The following PPP1R13B variants were observed in gnomAD, a reference collection of about 807,000 sequenced individuals.
The protein encoded by PPP1R13B is protein phosphatase 1 regulatory subunit 13B.
PPP1R13B carries 44 observed loss-of-function variants against 119.8 expected under a neutral mutation model. The ratio of observed to expected loss-of-function variants is 0.37; its 90% CI spans 0.29 to 0.47. The LOEUF (loss-of-function observed/expected upper bound fraction) is 0.47, where lower values mean the gene tolerates loss of function less well. Ranked by LOEUF, PPP1R13B falls within the 20% of genes least tolerant of loss-of-function variation. The pLI is 0.99. For missense variants in PPP1R13B, 1,227 were observed against 1,413.5 expected (o/e 0.87, Z 2.12); for synonymous variants, 542 against 561.5 (o/e 0.97, Z 0.49).
chr14:103,740,599 G>C lies in PPP1R13B; in HGVS notation c.1823-6C>G, dbSNP rs768216596. ...TAAAACGGGCTTACCATACACTGGG[G>C]AAGACACAAAGGACAGGCAATTTTG... On this transcript the variant is annotated splice_polypyrimidine_tract_variant and splice_region_variant and intron_variant, in intron 11 of 16. Transcript: ENST00000202556. The surrounding 1 kb of genome is among the most constrained non-coding windows in gnomAD (Gnocchi z 4.6). 5 of 1,506,214 alleles carry C rather than the reference G, an allele frequency of 3.3e-6. No individual in the cohort carries two copies. In the East Asian group the frequency reaches 1.1e-4, roughly 34 times the overall value. 93.3% of individuals were successfully genotyped at this position (1,506,214 alleles called of 1,614,324 possible). A position where few individuals can be genotyped will look rare whatever the true frequency, so the allele number is the denominator to read the frequency against.
intron 1 of PPP1R13B, 128 bp downstream of exon 1, chr14:103,847,171 C>T (rs1011259793): frequency 2.1e-5 from 21 of 1,001,190 alleles, no homozygotes; most frequent in South Asian, 4.5e-5. Context: ...CGCGCCCGCC[C>T]AGCCACTTCC....
At position 103,784,830 on chromosome 14, in the gene PPP1R13B, C is replaced by A; in HGVS notation, c.242G>T (p.Arg81Leu). The A allele has an allele frequency of 6.2e-7, 1 of 1,609,472 alleles. No individual in the cohort carries two copies. The highest frequency in any genetic ancestry group is 1.1e-5 in the South Asian group (1 of 90,732). The change falls in exon 3 of 17, where the codon CGA (arginine) becomes CTA (leucine). Residue 81 changes from arginine (R) to leucine (L), a missense_variant. Arg to Leu is a moderately radical substitution (Grantham distance 102, BLOSUM62 -2). Transcript: ENST00000202556. ...PRREEVKFFL[R>L]HEDSPTENSE... is the part of the protein sequence containing the mutation. ...GTTCTCAGTTGGGGAGTCCTCGTGT[C>A]GAAGGAAAAATTTCACTTCTTCCCT...
intron 1 of PPP1R13B, among the ~76,000 whole-genome samples, chr14:103,800,128 T>C (rs1023812537): frequency 4.6e-5 from 7 of 151,810 alleles, no homozygotes; most frequent in East Asian, 1.9e-4. Context: ...AATCAGAAGG[T>C]ATTATAAAAC....
Position 103,734,571 on chromosome 14 carries a change from G to C in PPP1R13B, c.*583C>G. The C allele has an allele frequency of 2.2e-6, 1 of 456,514 alleles. No homozygotes were observed. The highest frequency in any genetic ancestry group is 1.5e-5 in the South Asian group (1 of 64,566). 28.3% of individuals were successfully genotyped at this position (456,514 alleles called of 1,614,324 possible). A position where few individuals can be genotyped will look rare whatever the true frequency, so the allele number is the denominator to read the frequency against. On this transcript the variant is annotated 3_prime_UTR_variant, in exon 17 of 17. Transcript: ENST00000202556. ...ATCAGCCTTTAGGTGAACTGGAACA[G>C]GAAGCGGAACCCCCAAGGCGGCCGA...
chr14:103,778,492 C>T (rs980815850), intron 4 of PPP1R13B: 2 of 318,122 alleles, frequency 6.3e-6, no homozygotes, highest in African/African-American at 4.3e-5. Flanking sequence ...CAACTCCTGA[C>T]CTCGTGATCT....
At chr14:103,794,123 C>T (rs112572110) in intron 2 of PPP1R13B, among the ~76,000 whole-genome samples, 1 of 152,122 alleles carries the variant, frequency 6.6e-6, no homozygotes, top group East Asian at 1.9e-4. Flanking sequence ...GACTTCTGGC[C>T]TCCATCACTG....
chr14:103,774,174 C>G (rs1290818349), intron 4 of PPP1R13B, among the ~76,000 whole-genome samples: 1 of 152,152 alleles, frequency 6.6e-6, no homozygotes, highest in Non-Finnish European at 1.5e-5. Flanking sequence ...CATGTAAGAG[C>G]TAAAACTATA....
intron 12 of PPP1R13B, 121 bp from the exon 13 acceptor site, chr14:103,739,144 C>T (rs992632427): frequency 1.4e-5 from 19 of 1,386,708 alleles, no homozygotes; most frequent in Admixed American, 4.3e-5. Context: ...CGAAGCAGCC[C>T]TGGAGTGGTA....
intron 1 of PPP1R13B, among the ~76,000 whole-genome samples, chr14:103,833,739 T>C (rs747107522): frequency 6.6e-6 from 1 of 152,208 alleles, no homozygotes; most frequent in Admixed American, 6.6e-5. Flanking sequence ...CACTCAAATG[T>C]TGCCTCCTCT....
rs1289928628 is a variant in PPP1R13B at position 103,734,470 on chromosome 14, C to T, written c.*684G>A. ...GAGGAGAAGAGTATATGCTGAGGCT[C>T]TCCCAGTTGTCACTTGGTCTTAGGG... On this transcript the variant is annotated 3_prime_UTR_variant, in exon 17 of 17. Transcript: ENST00000202556. The T allele has an allele frequency of 8.8e-6, 4 of 455,186 alleles. No individual in the cohort carries two copies. The highest frequency in any genetic ancestry group is 1.8e-5 in the Non-Finnish European group (4 of 226,274). The allele number at this position is 455,186 out of a possible 1,614,324, so 28.2% of individuals were successfully genotyped here.
intron 5 of PPP1R13B, among the ~76,000 whole-genome samples, chr14:103,756,234 C>T (rs936117890): frequency 1.3e-5 from 2 of 152,052 alleles, no homozygotes; most frequent in Non-Finnish European, 2.9e-5. Context: ...GGATTACAGG[C>T]GTTAGCCACT....
intron 2 of PPP1R13B, among the ~76,000 whole-genome samples, chr14:103,793,595 GGACT>G (rs796431437): frequency 7.2e-4 from 109 of 152,126 alleles, no homozygotes; most frequent in African/African-American, 2.5e-3. Context: ...GTATGAAAAT[GGACT>G]AACTACCCTA....
chr14:103,826,135 C>A (rs911100228), intron 1 of PPP1R13B, among the ~76,000 whole-genome samples: 3 of 152,086 alleles, frequency 2.0e-5, no homozygotes, highest in African/African-American at 7.2e-5. Flanking sequence ...CCTTGGCCTC[C>A]CAAAGTGTTG....
chr14:103,847,534 G>A lies in PPP1R13B; in HGVS notation c.-227C>T, dbSNP rs1486813550. ...CGGGCACCCGGCCGCCGCCGCCGCC[G>A]CCTCAACCTCAGCCTCAGCCTCAGC... On this transcript the variant is annotated 5_prime_UTR_variant, in exon 1 of 17. Transcript: ENST00000202556. 32 of 985,770 alleles carry A rather than the reference G, an allele frequency of 3.2e-5. No individual in the cohort carries two copies. The highest frequency in any genetic ancestry group is 3.6e-5 in the Non-Finnish European group (30 of 831,076). 61.1% of individuals were successfully genotyped at this position (985,770 alleles called of 1,614,324 possible).
intron 5 of PPP1R13B, among the ~76,000 whole-genome samples, chr14:103,757,281 T>C (rs1385060466): frequency 6.6e-6 from 1 of 151,884 alleles, no homozygotes; most frequent in Non-Finnish European, 1.5e-5. Flanking sequence ...CCTGAACTCC[T>C]GGGCTCCAGC....
upstream of PPP1R13B, chr14:103,847,695 G>A (rs965796177): frequency 2.2e-6 from 2 of 890,378 alleles, no homozygotes; most frequent in Non-Finnish European, 2.7e-6. Context: ...GGGGAGAGGG[G>A]CGGGGCTTCC....
Position 103,740,497 on chromosome 14 carries a change from G to A in PPP1R13B, c.1919C>T (p.Pro640Leu). ...SLSTGTPQPQ[P>L]PSESTEKEPE... ...CTCTTTCTCAGTACTTTCTGAAGGT[G>A]GCTGAGGCTGTGGTGTGCCCGTGGA... Residue 640 changes from proline (P) to leucine (L), a missense_variant, in exon 12 of 17, where the codon CCA becomes CTA. Coordinates refer to ENST00000202556, the MANE Select transcript of PPP1R13B (RefSeq NM_015316.3). This position sits in a 1 kb window ranked among gnomAD's most constrained non-coding sequence, Gnocchi z 4.6. 1 of 1,608,182 alleles carries A rather than the reference G, an allele frequency of 6.2e-7. No homozygotes were observed. Among genetic ancestry groups the A allele is most frequent in the Non-Finnish European group, 8.5e-7 (1 of 1,175,892 alleles).
intron 4 of PPP1R13B, among the ~76,000 whole-genome samples, chr14:103,765,195 T>C (rs1286893405): frequency 6.6e-6 from 1 of 152,244 alleles, no homozygotes; most frequent in African/African-American, 2.4e-5. Flanking sequence ...TGATGTCTTA[T>C]TTCCTTGTGC....
chr14:103,823,946 T>A (rs979136455), intron 1 of PPP1R13B, among the ~76,000 whole-genome samples: 1 of 151,784 alleles, frequency 6.6e-6, no homozygotes, highest in African/African-American at 2.4e-5. Flanking sequence ...CAAAACACTT[T>A]CCTTCCTTTT....
Sources: gnomAD v4.1 joint callset for allele counts (sites outside exome capture counted in the v4.1 genomes callset) on GRCh38, gnomAD v4.1.1 for gene constraint, Gnocchi (gnomAD v3.1) non-coding constraint, MANE v1.5 for transcripts, NCBI Gene and HGNC (gene_info 2026-07-23, HGNC 2026-07-21) for gene names.